Variants in HS6ST2 observed in about 807,000 individuals in gnomAD.
HS6ST2 encodes heparan sulfate 6-O-sulfotransferase 2.
A neutral mutation model predicts 33.0 loss-of-function variants in HS6ST2; 17 were observed. The observed-to-expected ratio is 0.52, with a 90% confidence interval of 0.35 to 0.77. HS6ST2 has a LOEUF of 0.77. Ranked by LOEUF, HS6ST2 falls within the 30% of genes least tolerant of loss-of-function variation. HS6ST2 has a pLI of 0.01. For synonymous variants in HS6ST2, 248 were observed against 237.1 expected, an observed-to-expected ratio of 1.05 and a Z score of -0.42; for missense variants, 519 against 551.7, an observed-to-expected ratio of 0.94 and a Z score of 0.59.
chrX:132,709,311 C>T (rs1602597705), intron 2 of HS6ST2, among the ~76,000 whole-genome samples: 1 of 112,357 alleles, frequency 8.9e-6, no homozygotes, highest in East Asian at 2.8e-4. Context: ...TGTAGCAACA[C>T]TTCTTTTATG....
intron 2 of HS6ST2, among the ~76,000 whole-genome samples, chrX:132,849,912 T>C (rs2065786330): frequency 1.8e-5 from 2 of 112,286 alleles, no homozygotes; most frequent in South Asian, 7.4e-4. Flanking sequence ...AACCCTTTTA[T>C]TTTGCAGAAA....
At chrX:132,777,930 T>C (rs757526735) in intron 2 of HS6ST2, among the ~76,000 whole-genome samples, 2 of 112,005 alleles carry the variant, frequency 1.8e-5, no homozygotes, top group Non-Finnish European at 3.8e-5. Context: ...ATGTTCCACG[T>C]AGTTGTGTCT....
chrX:132,650,922 A>G (rs1380064678), intron 4 of HS6ST2, among the ~76,000 whole-genome samples: 1 of 110,910 alleles, frequency 9.0e-6, no homozygotes, highest in Non-Finnish European at 1.9e-5. Context: ...ATGTCACCAC[A>G]CCTGACTAAT....
chrX:132,734,814 C>T (rs141412532), intron 2 of HS6ST2, among the ~76,000 whole-genome samples: 1 of 112,747 alleles, frequency 8.9e-6, no homozygotes, highest in East Asian at 2.8e-4. Flanking sequence ...GCCATGTTGG[C>T]CCTTTCAGCC....
intron 4 of HS6ST2, among the ~76,000 whole-genome samples, chrX:132,632,599 G>A (rs1669021868): frequency 9.1e-6 from 1 of 109,920 alleles, no homozygotes; most frequent in South Asian, 4.0e-4. Context: ...CTGGCACTAT[G>A]GCAGGCACTG....
At chrX:132,812,572 C>CT (rs1277961318) in intron 2 of HS6ST2, among the ~76,000 whole-genome samples, 252 of 76,928 alleles carry the variant, frequency 3.3e-3, no homozygotes, top group African/African-American at 0.013. Context: ...ATTTGTATAT[C>CT]TTTTTTTTTT....
intron 3 of HS6ST2, among the ~76,000 whole-genome samples, chrX:132,688,992 A>G (rs2064040591): frequency 8.9e-6 from 1 of 111,947 alleles, no homozygotes; most frequent in African/African-American, 3.2e-5. Flanking sequence ...GAAATGATTC[A>G]TAGGTTGAAT....
chrX:132,802,922 G>A (rs1222915342), intron 2 of HS6ST2, among the ~76,000 whole-genome samples: 2 of 110,641 alleles, frequency 1.8e-5, no homozygotes, highest in African/African-American at 6.6e-5. Flanking sequence ...GGTCTCCCTA[G>A]AGGAAATTGC....
chrX:132,818,100 T>TA (rs2065412774), intron 2 of HS6ST2, among the ~76,000 whole-genome samples: 1 of 111,307 alleles, frequency 9.0e-6, no homozygotes, highest in South Asian at 3.8e-4. Flanking sequence ...AAAACCTAGG[T>TA]GAAGAGCCCA....
chrX:132,730,395 G>C (rs2064445282), intron 2 of HS6ST2, among the ~76,000 whole-genome samples: 1 of 112,015 alleles, frequency 8.9e-6, no homozygotes, highest in Non-Finnish European at 1.9e-5. Context: ...CAGGCAACAG[G>C]CTGCCCTCCC....
At chrX:132,637,828 T>TTTTATATATTTTA (rs2063562979) in intron 4 of HS6ST2, among the ~76,000 whole-genome samples, 1 of 58,521 alleles carries the variant, frequency 1.7e-5, no homozygotes. Context: ...ATATATAATA[T>TTTTATATATTTTA]TATATATAAT....
At chrX:132,829,459 T>C (rs2065566397) in intron 2 of HS6ST2, among the ~76,000 whole-genome samples, 1 of 108,700 alleles carries the variant, frequency 9.2e-6, no homozygotes, top group Non-Finnish European at 1.9e-5. Context: ...TTTACCCAAA[T>C]GTAGGTATGT....
At chrX:132,944,383 G>A (rs2066920719) in intron 2 of HS6ST2, among the ~76,000 whole-genome samples, 2 of 111,546 alleles carry the variant, frequency 1.8e-5, no homozygotes, top group African/African-American at 3.3e-5. Flanking sequence ...AACATTCCAT[G>A]CTCATGGATA....
At chrX:132,902,637 C>T (rs185544626) in intron 2 of HS6ST2, among the ~76,000 whole-genome samples, 23 of 111,890 alleles carry the variant, frequency 2.1e-4, no homozygotes, top group Non-Finnish European at 3.9e-4. Context: ...AACAAGAAGG[C>T]CCTCCTCTAA....
intron 2 of HS6ST2, among the ~76,000 whole-genome samples, chrX:132,933,299 G>A (rs1038323945): frequency 9.0e-6 from 1 of 111,185 alleles, no homozygotes; most frequent in African/African-American, 3.3e-5. Context: ...GTGCACTCCA[G>A]CCTGGGTGAC....
chrX:132,639,274 AAC>A (rs2063584096), intron 4 of HS6ST2, among the ~76,000 whole-genome samples: 1 of 112,080 alleles, frequency 8.9e-6, no homozygotes, highest in African/African-American at 3.2e-5. Context: ...TGAGTTCTTT[AAC>A]AAGATGTGAA....
At chrX:132,740,352 C>T (rs1230631026) in intron 2 of HS6ST2, among the ~76,000 whole-genome samples, 1 of 111,943 alleles carries the variant, frequency 8.9e-6, no homozygotes, top group Non-Finnish European at 1.9e-5. Context: ...TCACACTGCT[C>T]TGCAGATGTA....
chrX:132,826,924 C>T (rs2065526722), intron 2 of HS6ST2, among the ~76,000 whole-genome samples: 1 of 110,915 alleles, frequency 9.0e-6, no homozygotes, highest in Admixed American at 9.7e-5. Context: ...TATGGTCAGG[C>T]CATCTCCTTC....
chrX:132,849,409 A>C (rs1390260315), intron 2 of HS6ST2, among the ~76,000 whole-genome samples: 2 of 112,114 alleles, frequency 1.8e-5, no homozygotes, highest in Non-Finnish European at 3.8e-5. Flanking sequence ...TTTTCAAATA[A>C]AAATCATTAT....
Sources: gnomAD v4.1 joint callset for allele counts (sites outside exome capture counted in the v4.1 genomes callset) on GRCh38, gnomAD v4.1.1 for gene constraint, MANE v1.5 for transcripts, NCBI Gene and HGNC (gene_info 2026-07-23, HGNC 2026-07-21) for gene names.